SMOC1: variants seen among roughly 807,000 people sequenced by gnomAD.
The protein encoded by SMOC1 is SPARC-related modular calcium-binding protein 1.
In SMOC1, 22 loss-of-function variants were observed where a neutral mutation model predicts 56.3. The ratio of observed to expected loss-of-function variants is 0.39; its 90% CI spans 0.28 to 0.56. SMOC1 has a LOEUF of 0.56. Among genes scored for constraint, SMOC1 ranks in the 20% least tolerant of loss-of-function variants. The pLI is 0.61. For missense variants in SMOC1, 509 were observed against 565.4 expected, an observed-to-expected ratio of 0.90 and a Z score of 1.01; for synonymous variants, 193 against 215.0, an observed-to-expected ratio of 0.90 and a Z score of 0.89.
At chr14:69,947,754 G>A (rs1245978149) in intron 1 of SMOC1, among the ~76,000 whole-genome samples, 5 of 152,066 alleles carry the variant, frequency 3.3e-5, no homozygotes, top group Non-Finnish European at 5.9e-5. Flanking sequence ...AAAATTAAAC[G>A]TAACTAAATA....
intron 3 of SMOC1, among the ~76,000 whole-genome samples, chr14:69,961,466 C>T (rs1347577855): frequency 6.6e-6 from 1 of 151,552 alleles, no homozygotes; most frequent in Non-Finnish European, 1.5e-5. Flanking sequence ...CTACAACCTC[C>T]ACCTCCTGGT....
intron 1 of SMOC1, among the ~76,000 whole-genome samples, chr14:69,932,788 C>T (rs75427501): frequency 0.048 from 7,342 of 151,928 alleles, 226 homozygotes; most frequent in Non-Finnish European, 0.073. Context: ...ATGGAGTGGG[C>T]GGGGGGTGCA....
intron 3 of SMOC1, among the ~76,000 whole-genome samples, chr14:69,957,435 A>T (rs1883227055): frequency 6.6e-6 from 1 of 152,206 alleles, no homozygotes; most frequent in South Asian, 2.1e-4. Flanking sequence ...GCTTAAGACA[A>T]TTTGTACTCA....
At chr14:69,903,406 C>T (rs1884314041) in intron 1 of SMOC1, among the ~76,000 whole-genome samples, 1 of 152,216 alleles carries the variant, frequency 6.6e-6, no homozygotes, top group Non-Finnish European at 1.5e-5. Context: ...GGGAGGTGTA[C>T]CCAACAGCTC....
intron 3 of SMOC1, among the ~76,000 whole-genome samples, chr14:69,963,529 C>A (rs967308667): frequency 1.3e-5 from 2 of 152,100 alleles, no homozygotes; most frequent in Non-Finnish European, 1.5e-5. Flanking sequence ...AATGCTACTG[C>A]CTGTCGGAGT....
chr14:69,998,813 T>A (rs1291041710), intron 7 of SMOC1, among the ~76,000 whole-genome samples: 2 of 152,184 alleles, frequency 1.3e-5, no homozygotes, highest in African/African-American at 4.8e-5. Flanking sequence ...GAGGTGTGAC[T>A]TCCCTCTTTG....
At position 70,022,664 on chromosome 14, in the gene SMOC1, A is replaced by G. The variant is rs138911922; in HGVS notation, c.1047-539A>G. Reference sequence around the variant, plus strand: ...CACCCCACATTCAGTTGTCATGACTATTTTCACCTTTTTGGCTCTGTCTCA... The same window carrying G: ...CACCCCACATTCAGTTGTCATGACTGTTTTCACCTTTTTGGCTCTGTCTCA... On this transcript the variant is annotated intron_variant, in intron 10 of 11. Transcript: ENST00000361956. 4.4e-3 allele frequency among the ~76,000 whole-genome samples: 675 copies of G among 152,162 alleles called. 3 individuals carry two copies. The highest frequency in any genetic ancestry group is 0.044 in the Middle Eastern group (13 of 294).
At chr14:70,026,866 G>A (rs1885946566) in intron 11 of SMOC1, among the ~76,000 whole-genome samples, 1 of 152,176 alleles carries the variant, frequency 6.6e-6, no homozygotes, top group African/African-American at 2.4e-5. Context: ...ATGTGTGCAT[G>A]TCTATACACA....
At chr14:69,984,248 C>T (rs1884281409) in intron 5 of SMOC1, among the ~76,000 whole-genome samples, 1 of 152,166 alleles carries the variant, frequency 6.6e-6, no homozygotes, top group South Asian at 2.1e-4. Context: ...AAAGCCTCAA[C>T]CTAAACCTCA....
chr14:69,953,572 C>A (rs367603529), intron 3 of SMOC1, 40 bp downstream of exon 3: 7 of 1,564,338 alleles, frequency 4.5e-6, no homozygotes, highest in Middle Eastern at 1.7e-4. Context: ...TTTCCTGGAC[C>A]GAGGCAGAGG....
In SMOC1 at chr14:70,030,374, C is replaced by T; in HGVS notation, c.*116C>T. On this transcript the variant is annotated 3_prime_UTR_variant, in exon 12 of 12. Coordinates refer to ENST00000361956, the MANE Select transcript of SMOC1 (RefSeq NM_001034852.3). ...ACATCCCGTGTAACATAAGTGGTGC[C>T]CACCATGTTTGCACTTTTAATAACT... 2 of 1,348,118 alleles carry T rather than the reference C, an allele frequency of 1.5e-6. No homozygotes were observed. Among genetic ancestry groups the T allele is most frequent in the South Asian group, 2.5e-5 (2 of 78,868 alleles). 83.5% of individuals were successfully genotyped at this position (1,348,118 alleles called of 1,614,324 possible). A position where few individuals can be genotyped will look rare whatever the true frequency, so the allele number is the denominator to read the frequency against.
intron 1 of SMOC1, among the ~76,000 whole-genome samples, chr14:69,914,865 T>TTCATTCATTC (rs1884643614): frequency 9.4e-5 from 14 of 149,302 alleles, no homozygotes; most frequent in Non-Finnish European, 1.6e-4. Context: ...TAATTTATTT[T>TTCATTCATTC]ATTCATTCAT....
intron 7 of SMOC1, 122 bp from the exon 8 acceptor site, chr14:70,010,632 C>T (rs1177046489): frequency 9.1e-6 from 9 of 989,140 alleles, no homozygotes; most frequent in African/African-American, 4.7e-5. Flanking sequence ...ATCAATGGGG[C>T]AGCTCATCAG....
At chr14:69,959,081 T>A (rs115134548) in intron 3 of SMOC1, among the ~76,000 whole-genome samples, 1 of 152,174 alleles carries the variant, frequency 6.6e-6, no homozygotes, top group Non-Finnish European at 1.5e-5. Context: ...ACCCTCTAGA[T>A]TTTTTTCCTT....
chr14:69,946,035 C>A (rs920251233), intron 1 of SMOC1, among the ~76,000 whole-genome samples: 1 of 152,202 alleles, frequency 6.6e-6, no homozygotes, highest in Admixed American at 6.5e-5. Flanking sequence ...CATCTCCTCC[C>A]AGATGGAACC....
chr14:69,910,177 T>C (rs1323793660), intron 1 of SMOC1, among the ~76,000 whole-genome samples: 1 of 152,254 alleles, frequency 6.6e-6, no homozygotes, highest in Non-Finnish European at 1.5e-5. Context: ...ACATAGACTC[T>C]CATTTATTTC....
intron 1 of SMOC1, among the ~76,000 whole-genome samples, chr14:69,895,544 C>A (rs1321995145): frequency 6.6e-6 from 1 of 152,150 alleles, no homozygotes; most frequent in South Asian, 2.1e-4. Flanking sequence ...GAAGTAGAAA[C>A]CCTTTGTTTT....
rs146255121 is a variant in SMOC1 at position 69,928,285 on chromosome 14, C to T, written c.100-23853C>T. Reference sequence around the variant, plus strand: ...AGCAGGCAGACTTCCTCAGCTATGCCGGGTCTGTGTGCAGCTCTGATTTAT... The same window carrying T: ...AGCAGGCAGACTTCCTCAGCTATGCTGGGTCTGTGTGCAGCTCTGATTTAT... On this transcript the variant is annotated intron_variant, in intron 1 of 11. Transcript: ENST00000361956. 1.9e-3 allele frequency among the ~76,000 whole-genome samples: 294 copies of T among 152,320 alleles called. 2 individuals are homozygous for T. The highest frequency in any genetic ancestry group is 2.8e-3 in the Non-Finnish European group (188 of 68,030).
intron 1 of SMOC1, among the ~76,000 whole-genome samples, chr14:69,904,598 G>T (rs1187133183): frequency 6.6e-6 from 1 of 152,204 alleles, no homozygotes; most frequent in African/African-American, 2.4e-5. Flanking sequence ...GATCTGTCCT[G>T]AAAATGCCCA....
Sources: allele counts gnomAD v4.1 joint callset (sites outside exome capture counted in the v4.1 genomes callset), GRCh38; gene constraint gnomAD v4.1.1; transcripts MANE v1.5; gene names NCBI Gene and HGNC (gene_info 2026-07-23, HGNC 2026-07-21).